ACSM2A: variants seen among roughly 807,000 people sequenced by gnomAD.
ACSM2A encodes the protein acyl-coenzyme A synthetase ACSM2A, mitochondrial.
In ACSM2A, 72 loss-of-function variants were observed where a neutral mutation model predicts 76.6. The observed-to-expected ratio is 0.94, with a 90% CI of 0.78 to 1.14. The LOEUF is 1.14. Among genes scored for constraint, ACSM2A ranks in the 50% most tolerant of loss-of-function variants. ACSM2A has a pLI of 0.00. For missense variants in ACSM2A, 684 were observed against 708.5 expected, an observed-to-expected ratio of 0.97 and a Z score of 0.39; for synonymous variants, 249 against 255.9, an observed-to-expected ratio of 0.97 and a Z score of 0.26.
intron 13 of ACSM2A, 123 bp downstream of exon 13, chr16:20,483,300 C>A (rs775526706): frequency 1.4e-6 from 2 of 1,439,060 alleles, no homozygotes; most frequent in African/African-American, 2.9e-5. Context: ...CTGGGCGCGG[C>A]AGCTCACGCC....
At chr16:20,468,000 G>A (rs1384899545) in intron 3 of ACSM2A, among the ~76,000 whole-genome samples, 6 of 151,966 alleles carry the variant, frequency 3.9e-5, no homozygotes, top group Non-Finnish European at 7.4e-5. Flanking sequence ...GCATGAGAAA[G>A]CAATGGGTAA....
chr16:20,483,307 C>T (rs1018551893), intron 13 of ACSM2A, 130 bp downstream of exon 13: 35 of 1,400,532 alleles, frequency 2.5e-5, no homozygotes, highest in African/African-American at 7.3e-5. Context: ...CGGCAGCTCA[C>T]GCCTGTAATC....
rs556835433 is a variant in ACSM2A at position 20,474,190 on chromosome 16, C to T, written c.895-1172C>T. 1.2e-5 allele frequency: 4 copies of T among 333,340 alleles called. No individual in the cohort carries two copies. The Admixed American group carries it at 1.6e-4, about 14-fold the overall frequency. The allele number at this position is 333,340 out of a possible 1,614,324, so 20.6% of individuals were successfully genotyped here. ...GGGCTCTGTCATGGCCATGGTCACTCATGTTTGGCTCAGAATAAATCTCTT... is the reference window on the plus strand; with the variant it reads ...GGGCTCTGTCATGGCCATGGTCACTTATGTTTGGCTCAGAATAAATCTCTT... On this transcript the variant is annotated intron_variant, in intron 6 of 13. Transcript: ENST00000573854.
rs566671938 is a variant in ACSM2A, at chr16:20,475,518, A to G, written c.974+77A>G. 3.3e-4 allele frequency: 531 copies of G among 1,605,362 alleles called. 1 individual carries two copies. Among genetic ancestry groups the G allele is most frequent in the East Asian group, 1.7e-3 (76 of 44,804 alleles). ...CCCTCACATACATTCATGCCTATCT[A>G]TCTGAATCTCTCGCACACAGAGAGC... On this transcript the variant is annotated intron_variant, in intron 7 of 13. Coordinates refer to ENST00000573854, the MANE Select transcript of ACSM2A (RefSeq NM_001308172.2).
chr16:20,457,269 C>T (rs1286101540), intron 1 of ACSM2A, among the ~76,000 whole-genome samples: 5 of 152,024 alleles, frequency 3.3e-5, no homozygotes, highest in Admixed American at 1.3e-4. Flanking sequence ...ATCCTATCGA[C>T]GCTATTCCAC....
intron 5 of ACSM2A, 81 bp downstream of exon 5, chr16:20,471,297 G>C: frequency 6.4e-7 from 1 of 1,557,180 alleles, no homozygotes; most frequent in Non-Finnish European, 8.7e-7. Context: ...TATATATTAA[G>C]TCAGGTCAAC....
intron 1 of ACSM2A, among the ~76,000 whole-genome samples, chr16:20,454,859 C>G (rs907871123): frequency 6.7e-6 from 1 of 149,648 alleles, no homozygotes; most frequent in East Asian, 2.0e-4. Context: ...AATTATTAAG[C>G]TAATCAAAGA....
At chr16:20,482,744 G>T in intron 12 of ACSM2A, 1 of 214,374 alleles carries the variant, frequency 4.7e-6, no homozygotes, top group Middle Eastern at 1.9e-3. Context: ...CATTGTTTAG[G>T]GTTATGGTTT....
At chr16:20,467,537 A>G (rs907805703) in intron 3 of ACSM2A, among the ~76,000 whole-genome samples, 5 of 152,158 alleles carry the variant, frequency 3.3e-5, no homozygotes, top group African/African-American at 1.2e-4. Context: ...AGAGATGGAG[A>G]TAAGTGGATT....
At chr16:20,459,338 G>C (rs571695143) in intron 1 of ACSM2A, among the ~76,000 whole-genome samples, 3 of 152,192 alleles carry the variant, frequency 2.0e-5, no homozygotes, top group Non-Finnish European at 4.4e-5. Context: ...CTGTGCACTA[G>C]ATGGATAGGA....
chr16:20,477,511 G>C (rs2013818987), intron 9 of ACSM2A, 62 bp downstream of exon 9: 27 of 1,542,922 alleles, frequency 1.7e-5, no homozygotes, highest in Non-Finnish European at 2.4e-5. Flanking sequence ...AGTGATTTAT[G>C]TTTTCCATTG....
At chr16:20,462,661 G>C (rs1254531636) in intron 2 of ACSM2A, among the ~76,000 whole-genome samples, 1 of 152,084 alleles carries the variant, frequency 6.6e-6, no homozygotes, top group African/African-American at 2.4e-5. Context: ...GACTCTTTCA[G>C]GGGATATGCG....
intron 6 of ACSM2A, among the ~76,000 whole-genome samples, chr16:20,471,944 A>G (rs2013441702): frequency 6.6e-6 from 1 of 152,194 alleles, no homozygotes; most frequent in Admixed American, 6.5e-5. Flanking sequence ...TCACTCAACA[A>G]ATGTAACGGG....
intron 2 of ACSM2A, among the ~76,000 whole-genome samples, chr16:20,461,232 C>CT (rs763378144): frequency 2.6e-4 from 38 of 148,050 alleles, no homozygotes; most frequent in Non-Finnish European, 4.3e-4. Flanking sequence ...ATGAAACAGT[C>CT]TTAGTGTGGA....
chr16:20,460,507 A>G (rs149653199), intron 2 of ACSM2A, among the ~76,000 whole-genome samples: 13 of 152,314 alleles, frequency 8.5e-5, no homozygotes, highest in African/African-American at 3.1e-4. Flanking sequence ...GCAACCTGGT[A>G]ACTCCCAGGC....
chr16:20,480,515 C>T (rs1258299623), intron 10 of ACSM2A, 58 bp from the exon 11 acceptor site: 10 of 1,569,042 alleles, frequency 6.4e-6, no homozygotes, highest in African/African-American at 1.4e-5. Flanking sequence ...ATGGCAGCCC[C>T]AGGGCAGGGG....
Position 20,459,025 on chromosome 16 carries a change from C to T in ACSM2A, c.-8-1082C>T, listed in dbSNP as rs539169671. On this transcript the variant is annotated intron_variant, in intron 1 of 13. Coordinates refer to ENST00000573854, the MANE Select transcript of ACSM2A (RefSeq NM_001308172.2). ...CTGGATGGGATTGGAGACCATCGTT[C>T]AAAGTGAAGTAATTCAGGAATGGAA... Among the ~76,000 whole-genome samples, 7 of 149,654 alleles carry T rather than the reference C, an allele frequency of 4.7e-5. No individual in the cohort carries two copies. In the South Asian group the frequency reaches 1.5e-3, roughly 32 times the overall value.
chr16:20,464,283 C>T (rs1483818936), intron 2 of ACSM2A, among the ~76,000 whole-genome samples: 6 of 152,142 alleles, frequency 3.9e-5, no homozygotes, highest in Non-Finnish European at 5.9e-5. Context: ...GGTATCTTTA[C>T]AGCAATATCC....
intron 1 of ACSM2A, among the ~76,000 whole-genome samples, chr16:20,454,398 G>A (rs1293744416): frequency 6.6e-6 from 1 of 151,988 alleles, no homozygotes; most frequent in Admixed American, 6.6e-5. Context: ...TTTTTTGCCA[G>A]AAGAAACAAC....
Sources: gnomAD v4.1 joint callset for allele counts (sites outside exome capture counted in the v4.1 genomes callset) on GRCh38, gnomAD v4.1.1 for gene constraint, MANE v1.5 for transcripts, NCBI Gene and HGNC (gene_info 2026-07-23, HGNC 2026-07-21) for gene names.